ATL2: variants seen among roughly 807,000 people sequenced by gnomAD.
ATL2 encodes atlastin-2.
Under a neutral mutation model 73.9 loss-of-function variants are expected in ATL2, and 31 were observed. The ratio of observed to expected loss-of-function variants is 0.42; its 90% CI spans 0.32 to 0.57. The LOEUF (loss-of-function observed/expected upper bound fraction) is 0.57, where lower values mean the gene tolerates loss of function less well. ATL2 is among the 20% of genes least tolerant of loss of function. The probability of loss-of-function intolerance (pLI) is 0.14; values close to 1 mark genes in which losing one functional copy is unlikely to be tolerated. For synonymous variants in ATL2, 291 were observed against 237.5 expected (o/e 1.23, Z -2.07); for missense variants, 738 against 702.6 (o/e 1.05, Z -0.57).
At chr2:38,364,728 A>AAGG (rs2124478047) in intron 1 of ATL2, among the ~76,000 whole-genome samples, 1 of 152,344 alleles carries the variant, frequency 6.6e-6, no homozygotes, top group Non-Finnish European at 1.5e-5. Flanking sequence ...ATATAGTTTA[A>AAGG]GAATTCTCTT....
intron 9 of ATL2, among the ~76,000 whole-genome samples, chr2:38,301,524 A>G (rs1667191144): frequency 6.6e-6 from 1 of 152,148 alleles, no homozygotes; most frequent in African/African-American, 2.4e-5. Flanking sequence ...CCCCTCCCCC[A>G]TCCTCTCAGC....
intron 9 of ATL2, among the ~76,000 whole-genome samples, chr2:38,303,430 G>C (rs1388364456): frequency 6.6e-6 from 1 of 151,872 alleles, no homozygotes; most frequent in Non-Finnish European, 1.5e-5. Flanking sequence ...GGTCTCAAGT[G>C]ATCTGCCCAC....
At chr2:38,312,808 T>TG (rs1170610249) in intron 7 of ATL2, among the ~76,000 whole-genome samples, 1 of 152,108 alleles carries the variant, frequency 6.6e-6, no homozygotes, top group Non-Finnish European at 1.5e-5. Context: ...GTTAAGCCTG[T>TG]GGAACTGTGA....
intron 1 of ATL2, among the ~76,000 whole-genome samples, chr2:38,350,853 A>T (rs1339447240): frequency 3.3e-5 from 5 of 152,166 alleles, no homozygotes; most frequent in Non-Finnish European, 5.9e-5. Context: ...AAATTCAGAC[A>T]CTCAGCATGT....
In ATL2 at chr2:38,309,408, T is replaced by C. The variant is rs777332951; in HGVS notation, c.1042A>G (p.Thr348Ala). 2 of 1,611,552 alleles carry C rather than the reference T, an allele frequency of 1.2e-6. No homozygotes were observed. The highest frequency in any genetic ancestry group is 1.7e-6 in the Non-Finnish European group (2 of 1,179,624). Residue 348 changes from threonine to alanine, a missense_variant, in exon 9 of 13, where the codon ACT becomes GCT. Coordinates refer to ENST00000378954, the MANE Select transcript of ATL2 (RefSeq NM_001135673.4). ...VEKEISGSKV[T>A]CRDLVEYFKA... ...AAATATTCTACAAGATCTCTACAAG[T>C]GACTTTAGATCCACTTATCTCTTTT...
At chr2:38,303,490 C>A (rs2148408580) in intron 9 of ATL2, among the ~76,000 whole-genome samples, 2 of 152,186 alleles carry the variant, frequency 1.3e-5, no homozygotes, top group Middle Eastern at 6.8e-3. Flanking sequence ...CCTCACCCAG[C>A]CTCAGAGCTT....
chr2:38,296,903 A>G (rs756822053), intron 12 of ATL2, among the ~76,000 whole-genome samples: 6 of 152,256 alleles, frequency 3.9e-5, no homozygotes, highest in Non-Finnish European at 7.3e-5. Flanking sequence ...ATATTTCTCA[A>G]AAGAAGATAT....
At chr2:38,368,753 G>C (rs1168647002) in intron 1 of ATL2, among the ~76,000 whole-genome samples, 2 of 152,002 alleles carry the variant, frequency 1.3e-5, no homozygotes, top group African/African-American at 2.4e-5. Flanking sequence ...AACAATAAAA[G>C]AAATACTGGG....
chr2:38,377,180 G>A lies in ATL2; in HGVS notation c.81C>T (p.Ser27=), dbSNP rs761879186. 6.2e-6 allele frequency: 10 copies of A among 1,610,640 alleles called. No homozygotes were observed. The highest frequency in any genetic ancestry group is 2.7e-5 in the African/African-American group (2 of 74,732). ...LWRRRRTSDP[S]AAVNHVSSTT... ...TGGACGAGACGTGGTTAACCGCGGC[G>A]CTTGGGTCGCTGGTCCGTCGCCGGC... Residue 27 remains serine, a synonymous_variant, in exon 1 of 13, where the codon AGC becomes AGT. Transcript: ENST00000378954.
At chr2:38,320,804 G>T in intron 2 of ATL2, among the ~76,000 whole-genome samples, 1 of 151,938 alleles carries the variant, frequency 6.6e-6, no homozygotes, top group East Asian at 1.9e-4. Flanking sequence ...GAGGGATGAA[G>T]CAATTTATGA....
At chr2:38,371,035 T>C (rs928558204) in intron 1 of ATL2, among the ~76,000 whole-genome samples, 5 of 152,166 alleles carry the variant, frequency 3.3e-5, no homozygotes, top group African/African-American at 1.2e-4. Flanking sequence ...TCCCCCATTC[T>C]GATAAAGGTG....
intron 4 of ATL2, among the ~76,000 whole-genome samples, chr2:38,317,354 G>A (rs1668081611): frequency 6.6e-6 from 1 of 152,062 alleles, no homozygotes; most frequent in Non-Finnish European, 1.5e-5. Context: ...GATGATCTCA[G>A]AAAAGAAAAA....
chr2:38,354,095 G>C (rs981377109), intron 1 of ATL2: 2 of 385,692 alleles, frequency 5.2e-6, no homozygotes, highest in South Asian at 3.6e-5. Context: ...GGGAGGCTGA[G>C]GCAGAGGAAT....
At chr2:38,297,336 T>G (rs1282469894) in intron 12 of ATL2, among the ~76,000 whole-genome samples, 2 of 152,234 alleles carry the variant, frequency 1.3e-5, no homozygotes, top group African/African-American at 4.8e-5. Context: ...GCATCTCAAA[T>G]GCCTATTATA....
chr2:38,315,157 A>C, intron 5 of ATL2, 127 bp downstream of exon 5: 1 of 947,834 alleles, frequency 1.1e-6, no homozygotes, highest in Non-Finnish European at 1.4e-6. Flanking sequence ...AGGCTGAGGC[A>C]GGAGAATCCC....
chr2:38,333,075 A>C (rs2148464992), intron 2 of ATL2, among the ~76,000 whole-genome samples: 1 of 152,244 alleles, frequency 6.6e-6, no homozygotes, highest in African/African-American at 2.4e-5. Flanking sequence ...TAAAATTTAT[A>C]AGCTGGGCCA....
rs375869057 is a variant in ATL2, at chr2:38,323,701, C to G, written c.364-4682G>C. ...GTAACCATTTATTTAGTTAGTTAGA[C>G]AGAGAGAAAGAAAACGAGACAGACA... is the stretch of plus-strand genomic sequence containing the variant. On this transcript the variant is annotated intron_variant, in intron 2 of 12. Transcript: ENST00000378954. 4.1e-4 allele frequency among the ~76,000 whole-genome samples: 62 copies of G among 152,114 alleles called. 3 individuals carry two copies. In the South Asian group the frequency reaches 6.9e-3, roughly 17 times the overall value.
intron 12 of ATL2, among the ~76,000 whole-genome samples, chr2:38,297,365 C>A (rs748140283): frequency 6.6e-6 from 1 of 152,150 alleles, no homozygotes; most frequent in African/African-American, 2.4e-5. Flanking sequence ...CATTAATAAC[C>A]GTAGCTTTCA....
intron 1 of ATL2, among the ~76,000 whole-genome samples, chr2:38,369,478 G>A (rs977622707): frequency 6.6e-6 from 1 of 151,522 alleles, no homozygotes; most frequent in African/African-American, 2.4e-5. Context: ...AGTAGAGACG[G>A]GGTTTCACTA....
Sources: allele counts gnomAD v4.1 joint callset (sites outside exome capture counted in the v4.1 genomes callset), GRCh38; gene constraint gnomAD v4.1.1; transcripts MANE v1.5; gene names NCBI Gene and HGNC (gene_info 2026-07-23, HGNC 2026-07-21).